The following VWA3A variants were observed in gnomAD, a reference collection of about 807,000 sequenced individuals.
VWA3A encodes the protein von Willebrand factor A domain containing 3A, also known as von Willebrand factor A domain-containing protein 3A.
VWA3A carries 134 observed loss-of-function variants against 160.4 expected under a neutral mutation model. That is an observed-to-expected ratio of 0.84 (90% confidence interval 0.73 to 0.96). The LOEUF is 0.96. Ranked by LOEUF, VWA3A falls within the 40% of genes least tolerant of loss-of-function variation. The pLI, the probability that VWA3A is intolerant of heterozygous loss-of-function variation, is 0.00. For missense variants in VWA3A, 1,310 were observed against 1,447.9 expected, an observed-to-expected ratio of 0.90 and a Z score of 1.55; for synonymous variants, 476 against 543.4, an observed-to-expected ratio of 0.88 and a Z score of 1.72.
chr16:22,152,257 C>T (rs1224925889), intron 30 of VWA3A, among the ~76,000 whole-genome samples: 1 of 152,024 alleles, frequency 6.6e-6, no homozygotes, highest in Non-Finnish European at 1.5e-5. Flanking sequence ...TGTGTGGTTT[C>T]AGGGGGTCCA....
chr16:22,129,278 A>G (rs1301734401), intron 17 of VWA3A, among the ~76,000 whole-genome samples: 2 of 151,648 alleles, frequency 1.3e-5, no homozygotes. Context: ...AGTCCCAGCT[A>G]TTCGGGAGGC....
intron 3 of VWA3A, among the ~76,000 whole-genome samples, chr16:22,099,761 G>A (rs2045378967): frequency 6.6e-6 from 1 of 152,120 alleles, no homozygotes; most frequent in South Asian, 2.1e-4. Flanking sequence ...GTGACAGAGT[G>A]AGGCCCTGTC....
intron 17 of VWA3A, 61 bp from the exon 18 acceptor site, chr16:22,131,144 G>A: frequency 6.6e-7 from 1 of 1,520,398 alleles, no homozygotes; most frequent in Non-Finnish European, 9.1e-7. Context: ...AAAGCCCAAA[G>A]AGGTGGGCCA....
At chr16:22,155,972 C>A in intron 33 of VWA3A, 56 bp downstream of exon 33, 1 of 1,558,116 alleles carries the variant, frequency 6.4e-7, no homozygotes, top group Non-Finnish European at 8.8e-7. Flanking sequence ...CACCAAGTGG[C>A]ATGCTCTATT....
chr16:22,119,740 A>G (rs2045702420), intron 12 of VWA3A, among the ~76,000 whole-genome samples: 1 of 152,198 alleles, frequency 6.6e-6, no homozygotes, highest in African/African-American at 2.4e-5. Context: ...GTTCTTGGCC[A>G]GGTGTGATGG....
chr16:22,114,427 C>T (rs2045601922), intron 8 of VWA3A, among the ~76,000 whole-genome samples: 1 of 152,190 alleles, frequency 6.6e-6, no homozygotes, highest in Non-Finnish European at 1.5e-5. Flanking sequence ...TGAGGGCTGG[C>T]TCCCAAGAGA....
At chr16:22,117,204 CTCT>C (rs749991960) in intron 11 of VWA3A, 28 bp downstream of exon 11, 7 of 1,561,556 alleles carry the variant, frequency 4.5e-6, no homozygotes, top group East Asian at 2.4e-5. Flanking sequence ...CACATGGCCC[CTCT>C]TCTTCTCTCC....
intron 1 of VWA3A, 147 bp downstream of exon 1, chr16:22,092,798 T>C: frequency 2.9e-6 from 3 of 1,044,744 alleles, no homozygotes; most frequent in Non-Finnish European, 4.1e-6. Context: ...GGCTAAATGC[T>C]GGGGTGCCAG....
chr16:22,109,388 A>G, intron 6 of VWA3A, 94 bp from the exon 7 acceptor site: 1 of 1,034,394 alleles, frequency 9.7e-7, no homozygotes. Context: ...AGGGGTGAGG[A>G]AAGTGTTTGC....
chr16:22,149,172 A>G (rs1348819212), intron 28 of VWA3A, among the ~76,000 whole-genome samples: 1 of 152,204 alleles, frequency 6.6e-6, no homozygotes, highest in Non-Finnish European at 1.5e-5. Flanking sequence ...CAGGACTTCA[A>G]GAGGTTAAGA....
intron 8 of VWA3A, among the ~76,000 whole-genome samples, chr16:22,113,263 C>T (rs1045486397): frequency 6.7e-6 from 1 of 148,502 alleles, no homozygotes; most frequent in African/African-American, 2.5e-5. Context: ...GTGATCTTGG[C>T]TCACCACAAC....
chr16:22,118,962 C>T lies in VWA3A; in HGVS notation c.1051C>T (p.Leu351Phe), dbSNP rs1187292912. 6.2e-7 allele frequency: 1 copy of T among 1,613,968 alleles called. No homozygotes were observed. Among genetic ancestry groups the T allele is most frequent in the South Asian group, 1.1e-5 (1 of 91,080 alleles). ...LAEIQKAQSL[L>F]SHVQALQHSS... Reference sequence around the variant, plus strand: ...AGAAATTCAGAAGGCCCAGAGCCTCCTCAGCCACGTGCAAGCCCTGCAGCA... The same window carrying T: ...AGAAATTCAGAAGGCCCAGAGCCTCTTCAGCCACGTGCAAGCCCTGCAGCA... Residue 351 changes from leucine to phenylalanine, a missense_variant, in exon 12 of 34, where the codon CTC becomes TTC. Leu to Phe is a conservative substitution (Grantham distance 22). Coordinates refer to ENST00000389398, the MANE Select transcript of VWA3A (RefSeq NM_173615.5).
chr16:22,146,307 A>G lies in VWA3A; in HGVS notation c.2802A>G (p.Leu934=). ...ACATCAGGCACTTGGAGAAGGTGTT[A>G]AGGCGCTATGTCCAGAGGCTGCAGT... is the stretch of plus-strand genomic sequence containing the variant. ...EVYIRHLEKV[L]RRYVQRLQWL... Residue 934 remains leucine (L), a synonymous_variant, in exon 27 of 34, where the codon TTA becomes TTG. Coordinates refer to ENST00000389398, the MANE Select transcript of VWA3A (RefSeq NM_173615.5). 1 of 1,613,530 alleles carries G rather than the reference A, an allele frequency of 6.2e-7. No homozygotes were observed. Among genetic ancestry groups the G allele is most frequent in the Non-Finnish European group, 8.5e-7 (1 of 1,179,670 alleles).
At chr16:22,145,268 T>G (rs1422992722) in intron 26 of VWA3A, among the ~76,000 whole-genome samples, 2 of 152,138 alleles carry the variant, frequency 1.3e-5, no homozygotes, top group Admixed American at 1.3e-4. Context: ...ATGTTGCCCC[T>G]CTCCACCTGA....
rs756235123 is a variant in VWA3A, at chr16:22,150,743, G to A, written c.3178G>A (p.Gly1060Arg). Residue 1060 changes from glycine (G) to arginine (R), a missense_variant, in exon 30 of 34, where the codon GGA (glycine) becomes AGA (arginine). By Grantham distance (125) the Gly-to-Arg change is moderately radical. Transcript: ENST00000389398. ...DLEGLYLLTD[G>R]KPDTSCSLVL... ...GGAAGGATTGTACCTCCTGACCGAC[G>A]GAAAGCCAGACACAAGCTGCAGCCT... The A allele has an allele frequency of 2.7e-5, 44 of 1,612,238 alleles. No individual in the cohort carries two copies. The African/African-American group carries it at 3.6e-4, about 13-fold the overall frequency.
At chr16:22,119,965 C>A (rs2045705763) in intron 12 of VWA3A, among the ~76,000 whole-genome samples, 1 of 151,580 alleles carries the variant, frequency 6.6e-6, no homozygotes, top group African/African-American at 2.4e-5. Flanking sequence ...TTGCAGTGAG[C>A]CTAGATAGTC....
chr16:22,109,710 T>A, intron 7 of VWA3A, 130 bp downstream of exon 7: 1 of 722,678 alleles, frequency 1.4e-6, no homozygotes, highest in Non-Finnish European at 2.3e-6. Context: ...AGTTCACACT[T>A]AATTAGCACC....
At position 22,115,339 on chromosome 16, in the gene VWA3A, C is replaced by G; in HGVS notation, c.690-8C>G. ...TATAATTAGGTTGCTGTTGTTGTCT[C>G]CTCCCAGCCTCCAGGAACTTAAGCT... On this transcript the variant is annotated splice_polypyrimidine_tract_variant and splice_region_variant and intron_variant, in intron 8 of 33. Transcript: ENST00000389398. 1.3e-6 allele frequency: 2 copies of G among 1,583,754 alleles called. No homozygotes were observed. The highest frequency in any genetic ancestry group is 1.7e-6 in the Non-Finnish European group (2 of 1,166,742).
rs981140434 is a variant in VWA3A, at chr16:22,142,644, A to G, written c.2495-24A>G. The G allele has an allele frequency of 2.6e-6, 4 of 1,536,242 alleles. No homozygotes were observed. The African/African-American group carries it at 4.1e-5, about 16-fold the overall frequency. On this transcript the variant is annotated intron_variant, in intron 24 of 33. Coordinates refer to ENST00000389398, the MANE Select transcript of VWA3A (RefSeq NM_173615.5). ...GGGCTCAACCATCCAAACTATAGCA[A>G]TGACCTCACTCTGCTTCTTCTAGGC...
Sources: allele counts gnomAD v4.1 joint callset (sites outside exome capture counted in the v4.1 genomes callset), GRCh38; gene constraint gnomAD v4.1.1; transcripts MANE v1.5; gene names NCBI Gene and HGNC (gene_info 2026-07-23, HGNC 2026-07-21).